The following BLZF1 variants were observed in gnomAD, a reference collection of about 807,000 sequenced individuals.
BLZF1 encodes the protein golgin-45.
In BLZF1, 39 loss-of-function variants were observed where a neutral mutation model predicts 43.8. The observed-to-expected ratio is 0.89, with a 90% CI of 0.69 to 1.16. BLZF1 has a LOEUF of 1.16. Ranked by LOEUF, BLZF1 falls within the 50% of genes most tolerant of loss-of-function variation. BLZF1 has a pLI of 0.00. For synonymous variants in BLZF1, 136 were observed against 159.4 expected, an observed-to-expected ratio of 0.85 and a Z score of 1.11; for missense variants, 449 against 469.8, an observed-to-expected ratio of 0.96 and a Z score of 0.41.
chr1:169,386,862 A>G (rs1236409992), intron 6 of BLZF1, 135 bp from the exon 7 acceptor site: 2 of 592,632 alleles, frequency 3.4e-6, no homozygotes, highest in East Asian at 6.2e-5. Context: ...TTTCAATCAG[A>G]TTAGTCATTC....
rs753168847 is a variant in BLZF1, at chr1:169,387,103, G to A, written c.1124G>A (p.Arg375Gln). ...TLLATKKNIG[R>Q]FHPYTRYENI... is the part of the protein sequence containing the mutation. ...CTTGCTACAAAGAAAAATATTGGAC[G>A]ATTTCATCCCTATACTAGATATGAA... Residue 375 changes from arginine (R) to glutamine (Q), a missense_variant, in exon 7 of 7, where the codon CGA becomes CAA. By Grantham distance (43) the Arg-to-Gln change is conservative. Transcript: ENST00000367808. 41 of 1,613,136 alleles carry A rather than the reference G, an allele frequency of 2.5e-5. No homozygotes were observed. The highest frequency in any genetic ancestry group is 1.6e-4 in the Middle Eastern group (1 of 6,078).
chr1:169,374,204 A>G (rs12025721), intron 2 of BLZF1, among the ~76,000 whole-genome samples: 12,557 of 147,530 alleles, frequency 0.085, 678 homozygotes, highest in Admixed American at 0.19. Flanking sequence ...TGTCTCTACA[A>G]AAAAAAAAAA....
At chr1:169,371,235 A>C (rs1403593186) in intron 2 of BLZF1, among the ~76,000 whole-genome samples, 1 of 152,246 alleles carries the variant, frequency 6.6e-6, no homozygotes, top group East Asian at 1.9e-4. Context: ...GGGAAATAAG[A>C]GCAGTTAAAT....
downstream of BLZF1, chr1:169,388,310 G>A (rs774059068): frequency 2.6e-5 from 4 of 151,912 alleles, no homozygotes; most frequent in Admixed American, 6.6e-5. Context: ...TCTTTATTGC[G>A]ACTATTCCTT....
intron 4 of BLZF1, among the ~76,000 whole-genome samples, chr1:169,380,053 AC>A (rs1571440091): frequency 1.3e-5 from 2 of 152,088 alleles, no homozygotes; most frequent in East Asian, 3.9e-4. Flanking sequence ...ATGACAAAAG[AC>A]TTTATATAAA....
At chr1:169,386,975 C>T (rs1488713376) in intron 6 of BLZF1, 22 bp from the exon 7 acceptor site, 5 of 1,551,622 alleles carry the variant, frequency 3.2e-6, no homozygotes, top group Non-Finnish European at 4.4e-6. Flanking sequence ...ATACTTCTGA[C>T]ATTATATCTT....
chr1:169,376,391 ATG>A (rs1156709380), intron 2 of BLZF1, 147 bp from the exon 3 acceptor site: 1 of 634,506 alleles, frequency 1.6e-6, no homozygotes, highest in African/African-American at 1.9e-5. Flanking sequence ...TTGTTGACAC[ATG>A]ATTGTTTTGA....
chr1:169,385,695 TA>T (rs1256202285), intron 6 of BLZF1, among the ~76,000 whole-genome samples: 1 of 152,114 alleles, frequency 6.6e-6, no homozygotes, highest in Non-Finnish European at 1.5e-5. Context: ...TCTCAAAAAC[TA>T]AATTGAAAAA....
At chr1:169,389,656 T>G (rs1024774515), downstream of BLZF1, among the ~76,000 whole-genome samples, 1 of 152,180 alleles carries the variant, frequency 6.6e-6, no homozygotes, top group Non-Finnish European at 1.5e-5. Flanking sequence ...TGTACAACAG[T>G]GTTCACAGCT....
chr1:169,381,943 A>C, intron 5 of BLZF1, 119 bp from the exon 6 acceptor site: 1 of 781,924 alleles, frequency 1.3e-6, no homozygotes, highest in Non-Finnish European at 2.0e-6. Flanking sequence ...TCTGAGAGAG[A>C]AAGGGATCAG....
chr1:169,386,974 A>G (rs1654691333), intron 6 of BLZF1, 23 bp from the exon 7 acceptor site: 1 of 1,547,772 alleles, frequency 6.5e-7, no homozygotes, highest in Non-Finnish European at 8.8e-7. Flanking sequence ...CATACTTCTG[A>G]CATTATATCT....
intron 6 of BLZF1, among the ~76,000 whole-genome samples, chr1:169,382,557 T>A (rs10800442): frequency 6.6e-6 from 1 of 152,310 alleles, no homozygotes; most frequent in East Asian, 1.9e-4. Context: ...TTTTCATGAG[T>A]TCATTTTGAT....
chr1:169,377,039 G>A (rs200435067), intron 3 of BLZF1, 60 bp downstream of exon 3: 40 of 1,346,984 alleles, frequency 3.0e-5, no homozygotes, highest in African/African-American at 8.9e-5. Flanking sequence ...CCTTTTAAAC[G>A]TGCATGTTAG....
chr1:169,395,320 G>A lies in BLZF1; in HGVS notation c.*28-574G>A, dbSNP rs1363760297. 3.3e-6 allele frequency: 3 copies of A among 900,020 alleles called. No individual in the cohort carries two copies. In the East Asian group the frequency reaches 8.8e-5, roughly 26 times the overall value. The allele number at this position is 900,020 out of a possible 1,614,324, so 55.8% of individuals were successfully genotyped here. ...GGACATTTCTTTACAATGAAATACT[G>A]TCACAGCACAAATTTTTAAGTATTA... On this transcript the variant is annotated intron_variant, in intron 7 of 7. Transcript: ENST00000329281.
intron 2 of BLZF1, among the ~76,000 whole-genome samples, chr1:169,375,557 A>G (rs931037907): frequency 6.7e-6 from 1 of 148,816 alleles, no homozygotes; most frequent in Non-Finnish European, 1.5e-5. Context: ...CACTTATTAT[A>G]TATTATCCTG....
intron 7 of BLZF1, among the ~76,000 whole-genome samples, chr1:169,393,791 G>A (rs780546037): frequency 5.9e-5 from 9 of 151,830 alleles, no homozygotes; most frequent in Non-Finnish European, 8.8e-5. Flanking sequence ...TAGTAGAGAC[G>A]GGGTTTCGCC....
chr1:169,381,617 A>G (rs935107998), intron 5 of BLZF1, among the ~76,000 whole-genome samples: 1 of 152,160 alleles, frequency 6.6e-6, no homozygotes, highest in African/African-American at 2.4e-5. Context: ...CATAAATGCA[A>G]AAATCCTTAA....
In BLZF1 at chr1:169,382,056, A is replaced by G. The variant is rs767246103; in HGVS notation, c.798-6A>G. 6 of 1,611,290 alleles carry G rather than the reference A, an allele frequency of 3.7e-6. No homozygotes were observed. The African/African-American group carries it at 8.0e-5, about 22-fold the overall frequency. ...TATGTCCGGTGTTCATGTGTGTTCT[A>G]TGCAGATTATTGGAGGAGCTCTTAG... On this transcript the variant is annotated splice_region_variant and splice_polypyrimidine_tract_variant and intron_variant, in intron 5 of 6. Transcript: ENST00000367808.
chr1:169,385,203 TC>T (rs1435889087), intron 6 of BLZF1, among the ~76,000 whole-genome samples: 1 of 152,188 alleles, frequency 6.6e-6, no homozygotes. Flanking sequence ...TTGATTTAGA[TC>T]CCCTTCTTCT....
Sources: gnomAD v4.1 joint callset for allele counts (sites outside exome capture counted in the v4.1 genomes callset) on GRCh38, gnomAD v4.1.1 for gene constraint, MANE v1.5 for transcripts, NCBI Gene and HGNC (gene_info 2026-07-23, HGNC 2026-07-21) for gene names.